The following NPAS3 variants were observed in gnomAD, a reference collection of about 807,000 sequenced individuals.
NPAS3 encodes neuronal PAS domain protein 3.
A neutral mutation model predicts 73.1 loss-of-function variants in NPAS3; 14 were observed. The observed-to-expected ratio is 0.19, with a 90% CI of 0.13 to 0.30. NPAS3 has a LOEUF of 0.30. Ranked by LOEUF, NPAS3 falls within the 10% of genes least tolerant of loss-of-function variation. The pLI is 1.00. For missense variants in NPAS3, 1,096 were observed against 1,250.0 expected (o/e 0.88, Z 1.86); for synonymous variants, 620 against 541.5 (o/e 1.14, Z -2.01).
At chr14:33,685,867 G>C (rs1028819166) in intron 6 of NPAS3, among the ~76,000 whole-genome samples, 1 of 152,118 alleles carries the variant, frequency 6.6e-6, no homozygotes, top group Non-Finnish European at 1.5e-5. Context: ...CCCCACACCA[G>C]AGCAGACACT....
intron 4 of NPAS3, among the ~76,000 whole-genome samples, chr14:33,559,816 C>T (rs778300345): frequency 1.3e-5 from 2 of 152,006 alleles, no homozygotes; most frequent in Non-Finnish European, 2.9e-5. Flanking sequence ...GTCAGGAGTT[C>T]GAGACCAGCC....
chr14:33,258,975 A>G (rs1458454719), intron 3 of NPAS3, among the ~76,000 whole-genome samples: 1 of 152,070 alleles, frequency 6.6e-6, no homozygotes, highest in Non-Finnish European at 1.5e-5. Flanking sequence ...CACCATGCCC[A>G]GCTAATTTTT....
At chr14:33,658,130 C>G (rs1199369678) in intron 5 of NPAS3, among the ~76,000 whole-genome samples, 1 of 152,348 alleles carries the variant, frequency 6.6e-6, no homozygotes, top group South Asian at 2.1e-4. Context: ...TTGAGGGGAA[C>G]TGTTTATGTG....
At chr14:32,984,620 A>G (rs1236792396) in intron 1 of NPAS3, among the ~76,000 whole-genome samples, 3 of 152,158 alleles carry the variant, frequency 2.0e-5, no homozygotes, top group Admixed American at 6.6e-5. Flanking sequence ...TTCCAACAAC[A>G]TTATCAGTGA....
intron 6 of NPAS3, among the ~76,000 whole-genome samples, chr14:33,721,612 T>C (rs2061114256): frequency 1.3e-5 from 2 of 152,300 alleles, no homozygotes; most frequent in South Asian, 4.1e-4. Context: ...GAAAATATTT[T>C]AAAGGGAAGA....
chr14:33,305,736 C>T (rs1336606805), intron 3 of NPAS3, among the ~76,000 whole-genome samples: 1 of 152,114 alleles, frequency 6.6e-6, no homozygotes, highest in Non-Finnish European at 1.5e-5. Context: ...GTTACAGAAT[C>T]TCACTGGATT....
intron 4 of NPAS3, among the ~76,000 whole-genome samples, chr14:33,518,815 G>T (rs2140082753): frequency 6.6e-6 from 1 of 152,178 alleles, no homozygotes; most frequent in Admixed American, 6.5e-5. Context: ...ATCAGTTAAG[G>T]ATTGAACAGT....
At chr14:33,660,075 A>G (rs2059264380) in intron 5 of NPAS3, among the ~76,000 whole-genome samples, 1 of 152,168 alleles carries the variant, frequency 6.6e-6, no homozygotes, top group Non-Finnish European at 1.5e-5. Context: ...CAAGAGGGAC[A>G]GACTTTCTAG....
chr14:33,149,589 A>T (rs541324745), intron 2 of NPAS3, among the ~76,000 whole-genome samples: 1 of 152,302 alleles, frequency 6.6e-6, no homozygotes, highest in South Asian at 2.1e-4. Flanking sequence ...CAGCTTGCAA[A>T]TTGGCTTACT....
intron 2 of NPAS3, among the ~76,000 whole-genome samples, chr14:33,081,542 A>C (rs1213537331): frequency 6.6e-6 from 1 of 152,198 alleles, no homozygotes; most frequent in Non-Finnish European, 1.5e-5. Context: ...GACTTCTTCT[A>C]TGTCGTCAAG....
chr14:33,486,549 T>G (rs1316299492), intron 4 of NPAS3, among the ~76,000 whole-genome samples: 1 of 152,208 alleles, frequency 6.6e-6, no homozygotes, highest in Non-Finnish European at 1.5e-5. Flanking sequence ...TCCTGTTAGC[T>G]ATAACCCCTG....
intron 4 of NPAS3, among the ~76,000 whole-genome samples, chr14:33,477,673 G>A (rs1303815972): frequency 1.3e-5 from 2 of 151,992 alleles, no homozygotes; most frequent in Non-Finnish European, 2.9e-5. Context: ...CCAGAAAATC[G>A]GAGCTTCTTA....
At chr14:33,459,060 T>C (rs2050142586) in intron 4 of NPAS3, among the ~76,000 whole-genome samples, 1 of 152,246 alleles carries the variant, frequency 6.6e-6, no homozygotes, top group African/African-American at 2.4e-5. Context: ...ATGCCTTCCC[T>C]TTTTAGACCA....
chr14:33,511,123 C>T lies in NPAS3; in HGVS notation c.469-48998C>T, dbSNP rs146225286. Among the ~76,000 whole-genome samples, 16 of 152,150 alleles carry T rather than the reference C, an allele frequency of 1.1e-4. No homozygotes were observed. In the East Asian group the frequency reaches 2.9e-3, roughly 28 times the overall value. Reference sequence around the variant, plus strand: ...TTCAAGAAGAAAGTTTTCAGCACAGCGTTCAGGTGCCTTGTGTTGGGGGAA... The same window carrying T: ...TTCAAGAAGAAAGTTTTCAGCACAGTGTTCAGGTGCCTTGTGTTGGGGGAA... On this transcript the variant is annotated intron_variant, in intron 4 of 11. Coordinates refer to ENST00000356141, the Ensembl canonical transcript of NPAS3.
chr14:33,676,832 G>C lies in NPAS3; in HGVS notation c.733+447G>C, dbSNP rs116699574. On this transcript the variant is annotated intron_variant, in intron 6 of 11. Coordinates refer to ENST00000356141, the Ensembl canonical transcript of NPAS3. ...GTTTCTTTATTTTTTTAAAGCATCA[G>C]AAGGTACTTGAAAGATGTGAACAGA... 3.2e-3 allele frequency among the ~76,000 whole-genome samples: 487 copies of C among 152,254 alleles called. 4 individuals are homozygous for C. The highest frequency in any genetic ancestry group is 0.011 in the African/African-American group (461 of 41,556).
chr14:32,935,037 C>A, upstream of NPAS3: 1 of 1,250,092 alleles, frequency 8.0e-7, no homozygotes, highest in Non-Finnish European at 1.0e-6. Flanking sequence ...GATAGTGCCC[C>A]CGCCCCGGGG....
chr14:33,002,107 C>T (rs560255486), intron 1 of NPAS3, among the ~76,000 whole-genome samples: 4 of 152,210 alleles, frequency 2.6e-5, no homozygotes, highest in Non-Finnish European at 5.9e-5. Context: ...AGTAATACTT[C>T]ACTTGTGTGT....
intron 4 of NPAS3, among the ~76,000 whole-genome samples, chr14:33,376,096 C>G (rs2046301952): frequency 6.6e-6 from 1 of 152,128 alleles, no homozygotes; most frequent in African/African-American, 2.4e-5. Flanking sequence ...CCAAAATCTC[C>G]ATTCTCAAAA....
At chr14:33,430,109 C>T (rs895200597) in intron 4 of NPAS3, among the ~76,000 whole-genome samples, 5 of 152,166 alleles carry the variant, frequency 3.3e-5, no homozygotes, top group Admixed American at 1.3e-4. Context: ...CTCAGGAAAA[C>T]GAGGCTTGAT....
Sources: gnomAD v4.1 joint callset for allele counts (sites outside exome capture counted in the v4.1 genomes callset) on GRCh38, gnomAD v4.1.1 for gene constraint, MANE v1.5 for transcripts, NCBI Gene and HGNC (gene_info 2026-07-23, HGNC 2026-07-21) for gene names.